FOXN2: variants seen among roughly 807,000 people sequenced by gnomAD.
The protein encoded by FOXN2 is forkhead box protein N2.
FOXN2 carries 19 observed loss-of-function variants against 41.2 expected under a neutral mutation model. That is an observed-to-expected ratio of 0.46 (90% CI 0.32 to 0.68). The LOEUF (loss-of-function observed/expected upper bound fraction) is 0.68. FOXN2 is among the 30% of genes least tolerant of loss of function. The pLI, the probability that FOXN2 is intolerant of heterozygous loss-of-function variation, is 0.03. For missense variants in FOXN2, 587 were observed against 509.4 expected, an observed-to-expected ratio of 1.15 and a Z score of -1.47; for synonymous variants, 195 against 176.8, an observed-to-expected ratio of 1.10 and a Z score of -0.82.
chr2:48,336,211 C>T (rs901987173), intron 2 of FOXN2, among the ~76,000 whole-genome samples: 2 of 151,540 alleles, frequency 1.3e-5, no homozygotes, highest in Admixed American at 6.6e-5. Flanking sequence ...CAAGACCAGC[C>T]TGGCCAACAT....
At chr2:48,357,526 G>A (rs1047313755) in intron 3 of FOXN2, among the ~76,000 whole-genome samples, 4 of 149,640 alleles carry the variant, frequency 2.7e-5, no homozygotes, top group African/African-American at 7.4e-5. Context: ...TTGAGACAGC[G>A]TTTCACTCTG....
chr2:48,332,517 A>G (rs1670079644), intron 2 of FOXN2, among the ~76,000 whole-genome samples: 1 of 152,154 alleles, frequency 6.6e-6, no homozygotes, highest in Non-Finnish European at 1.5e-5. Flanking sequence ...TCCTGATCTC[A>G]TTTGGCCACC....
At chr2:48,366,106 C>T (rs1256842213) in intron 5 of FOXN2, among the ~76,000 whole-genome samples, 3 of 152,128 alleles carry the variant, frequency 2.0e-5, no homozygotes, top group East Asian at 1.9e-4. Flanking sequence ...CCTATAATCC[C>T]AGCACTTTGG....
intron 2 of FOXN2, among the ~76,000 whole-genome samples, chr2:48,341,846 T>G (rs994387456): frequency 1.4e-4 from 21 of 152,242 alleles, no homozygotes; most frequent in Non-Finnish European, 1.8e-4. Flanking sequence ...CAATATGACT[T>G]ACATTATACT....
chr2:48,363,298 A>T (rs534098943), intron 5 of FOXN2, among the ~76,000 whole-genome samples: 132 of 152,294 alleles, frequency 8.7e-4, no homozygotes, highest in African/African-American at 3.0e-3. Context: ...AAAAAAGCTT[A>T]TAGGTTATAA....
chr2:48,368,334 G>T (rs1394335264), intron 5 of FOXN2, among the ~76,000 whole-genome samples: 1 of 152,068 alleles, frequency 6.6e-6, no homozygotes, highest in African/African-American at 2.4e-5. Flanking sequence ...CCATTATGAA[G>T]TATTTTCAAA....
At chr2:48,365,312 G>C (rs1178134005) in intron 5 of FOXN2, among the ~76,000 whole-genome samples, 2 of 152,184 alleles carry the variant, frequency 1.3e-5, no homozygotes, top group Non-Finnish European at 2.9e-5. Flanking sequence ...CTTAACATAA[G>C]ACAAATATCC....
At chr2:48,326,165 C>G (rs77693017) in intron 1 of FOXN2, among the ~76,000 whole-genome samples, 49 of 152,172 alleles carry the variant, frequency 3.2e-4, no homozygotes, top group African/African-American at 1.2e-3. Flanking sequence ...CTCCCAAGAT[C>G]TCCAAGCTGT....
chr2:48,366,718 A>G (rs1672560257), intron 5 of FOXN2, among the ~76,000 whole-genome samples: 1 of 152,034 alleles, frequency 6.6e-6, no homozygotes, highest in African/African-American at 2.4e-5. Context: ...CCTCTTTTAC[A>G]GATAAGCAAA....
At position 48,329,652 on chromosome 2, in the gene FOXN2, C is replaced by T. The variant is rs559196437; in HGVS notation, c.-15+950C>T. ...TGCTTCAGTTCTCCTGGATACATGA[C>T]ATCATGTAGCATTATAATCAAATAT... On this transcript the variant is annotated intron_variant, in intron 2 of 6. Coordinates refer to ENST00000340553, the MANE Select transcript of FOXN2 (RefSeq NM_002158.4). Among the ~76,000 whole-genome samples, 5 of 152,216 alleles carry T rather than the reference C, an allele frequency of 3.3e-5. No homozygotes were observed. The South Asian group carries it at 1.0e-3, about 32-fold the overall frequency.
intron 1 of FOXN2, among the ~76,000 whole-genome samples, chr2:48,323,640 A>G (rs1302333046): frequency 1.3e-5 from 2 of 152,136 alleles, no homozygotes; most frequent in South Asian, 4.1e-4. Flanking sequence ...CGTTTGTCAC[A>G]TGTATAGTTT....
At chr2:48,363,566 A>G (rs566963176) in intron 5 of FOXN2, among the ~76,000 whole-genome samples, 3 of 152,172 alleles carry the variant, frequency 2.0e-5, no homozygotes, top group East Asian at 3.8e-4. Flanking sequence ...CACCCAGAGC[A>G]ATTCCGGTCC....
intron 5 of FOXN2, among the ~76,000 whole-genome samples, chr2:48,367,768 T>C (rs1254111173): frequency 6.6e-6 from 1 of 152,220 alleles, no homozygotes; most frequent in African/African-American, 2.4e-5. Context: ...TTAATTATTT[T>C]TAATCATTTC....
intron 1 of FOXN2, among the ~76,000 whole-genome samples, chr2:48,321,266 T>C (rs958261322): frequency 2.0e-5 from 3 of 152,206 alleles, no homozygotes; most frequent in Non-Finnish European, 4.4e-5. Flanking sequence ...CTGGGCACAG[T>C]GGCTCATGCC....
intron 1 of FOXN2, among the ~76,000 whole-genome samples, chr2:48,320,293 A>AT (rs140999009): frequency 1.4e-3 from 207 of 148,914 alleles, no homozygotes; most frequent in African/African-American, 2.3e-3. Flanking sequence ...GTATAATTTA[A>AT]TTTTTTTTTT....
At chr2:48,358,177 C>T (rs1238930175) in intron 3 of FOXN2, among the ~76,000 whole-genome samples, 4 of 151,198 alleles carry the variant, frequency 2.6e-5, no homozygotes, top group Admixed American at 6.6e-5. Flanking sequence ...TTCTTATTGT[C>T]GTTTTTTTTT....
At chr2:48,361,321 C>T (rs1672167674) in intron 4 of FOXN2, among the ~76,000 whole-genome samples, 1 of 151,960 alleles carries the variant, frequency 6.6e-6, no homozygotes. Context: ...CAAAAGTCAG[C>T]TGGGTGTGGT....
In FOXN2 at chr2:48,355,918, G is replaced by A. The variant is rs549203187; in HGVS notation, c.538-3129G>A. ...TTTAAATTTGTTAAAATTATATATG[G>A]TTGTCTTTTGGTTCAGCTTGCTTTG... On this transcript the variant is annotated intron_variant, in intron 3 of 6. Coordinates refer to ENST00000340553, the MANE Select transcript of FOXN2 (RefSeq NM_002158.4). 2.6e-5 allele frequency among the ~76,000 whole-genome samples: 4 copies of A among 152,178 alleles called. No individual in the cohort carries two copies. In the South Asian group the frequency reaches 6.2e-4, roughly 24 times the overall value.
chr2:48,357,879 A>G (rs79720483), intron 3 of FOXN2, among the ~76,000 whole-genome samples: 2 of 146,806 alleles, frequency 1.4e-5, no homozygotes, highest in East Asian at 2.1e-4. Flanking sequence ...AAAAAAAAAA[A>G]AAGAAAATGT....
Sources: allele counts gnomAD v4.1 joint callset (sites outside exome capture counted in the v4.1 genomes callset), GRCh38; gene constraint gnomAD v4.1.1; transcripts MANE v1.5; gene names NCBI Gene and HGNC (gene_info 2026-07-23, HGNC 2026-07-21).